SLC2A9: variants seen among roughly 807,000 people sequenced by gnomAD.
The protein encoded by SLC2A9 is solute carrier family 2, facilitated glucose transporter member 9.
SLC2A9 carries 39 observed loss-of-function variants against 50.6 expected under a neutral mutation model. The observed-to-expected ratio is 0.77, with a 90% CI of 0.60 to 1.01. The LOEUF is 1.01. Ranked by LOEUF, SLC2A9 falls within the 50% of genes least tolerant of loss-of-function variation. The probability of loss-of-function intolerance (pLI) is 0.00; values close to 1 mark genes in which losing one functional copy is unlikely to be tolerated. For synonymous variants in SLC2A9, 324 were observed against 276.9 expected, an observed-to-expected ratio of 1.17 and a Z score of -1.69; for missense variants, 686 against 677.6, an observed-to-expected ratio of 1.01 and a Z score of -0.14.
At chr4:9,801,617 G>A (rs187789518) in intron 3 of SLC2A9, among the ~76,000 whole-genome samples, 97 of 152,270 alleles carry the variant, frequency 6.4e-4, no homozygotes, top group African/African-American at 2.2e-3. Flanking sequence ...GCTGGGCTAC[G>A]GGCTGAGCCA....
At chr4:9,859,148 C>A (rs936283668) in intron 10 of SLC2A9, among the ~76,000 whole-genome samples, 1 of 152,204 alleles carries the variant, frequency 6.6e-6, no homozygotes, top group African/African-American at 2.4e-5. Flanking sequence ...TGCAAATGGT[C>A]TATCGTGGGA....
At chr4:9,963,766 G>A (rs1255909016) in intron 5 of SLC2A9, among the ~76,000 whole-genome samples, 1 of 152,212 alleles carries the variant, frequency 6.6e-6, no homozygotes, top group African/African-American at 2.4e-5. Context: ...ATCCTGGAAT[G>A]GGATGTGGAG....
chr4:9,952,740 G>C (rs1290043253), intron 5 of SLC2A9, among the ~76,000 whole-genome samples: 1 of 152,082 alleles, frequency 6.6e-6, no homozygotes, highest in Non-Finnish European at 1.5e-5. Flanking sequence ...GCCCAGGCTG[G>C]TCTCAAACCC....
At chr4:9,919,511 G>A (rs1475518739) in intron 7 of SLC2A9, among the ~76,000 whole-genome samples, 1 of 152,100 alleles carries the variant, frequency 6.6e-6, no homozygotes, top group South Asian at 2.1e-4. Context: ...TGCCCGCCTT[G>A]GGGGGTGCTG....
At chr4:9,876,373 A>T (rs1734321946) in intron 10 of SLC2A9, among the ~76,000 whole-genome samples, 1 of 152,140 alleles carries the variant, frequency 6.6e-6, no homozygotes, top group East Asian at 1.9e-4. Flanking sequence ...TGGGAGGATA[A>T]CTTGAGCCCA....
intron 6 of SLC2A9, among the ~76,000 whole-genome samples, chr4:9,930,717 T>A (rs73096620): frequency 0.026 from 3,900 of 152,314 alleles, 65 homozygotes; most frequent in Middle Eastern, 0.054. Context: ...TCCTTGGCTC[T>A]GAGGTCAGAA....
intron 3 of SLC2A9, among the ~76,000 whole-genome samples, chr4:9,802,989 T>C (rs1296920074): frequency 1.3e-5 from 2 of 152,212 alleles, no homozygotes; most frequent in Non-Finnish European, 2.9e-5. Flanking sequence ...ACTGCAGGAA[T>C]TCACTTCACA....
chr4:9,858,841 T>A (rs1731143079), intron 10 of SLC2A9, among the ~76,000 whole-genome samples: 1 of 152,194 alleles, frequency 6.6e-6, no homozygotes, highest in African/African-American at 2.4e-5. Flanking sequence ...CCACCCTCCA[T>A]CTGGTTGGGC....
intron 10 of SLC2A9, among the ~76,000 whole-genome samples, chr4:9,872,543 CT>C (rs1318063152): frequency 6.6e-6 from 1 of 152,206 alleles, no homozygotes. Context: ...TGCTATATCG[CT>C]TGCTATCCAA....
At chr4:9,848,575 C>T (rs952131206) in intron 10 of SLC2A9, among the ~76,000 whole-genome samples, 2 of 152,162 alleles carry the variant, frequency 1.3e-5, no homozygotes, top group Admixed American at 6.5e-5. Context: ...CTCTTTTTCT[C>T]CCTGTTGCTT....
At chr4:9,784,372 A>G (rs59957468) in intron 3 of SLC2A9, among the ~76,000 whole-genome samples, 124 of 152,344 alleles carry the variant, frequency 8.1e-4, no homozygotes, top group African/African-American at 2.9e-3. Context: ...TGAAAAGATC[A>G]TGTAGAATAA....
chr4:9,791,343 A>T (rs1352136045), intron 3 of SLC2A9, among the ~76,000 whole-genome samples: 1 of 152,246 alleles, frequency 6.6e-6, no homozygotes, highest in Non-Finnish European at 1.5e-5. Context: ...ATTTAATGCT[A>T]GGTGTATGGA....
At chr4:9,856,009 C>A (rs1730661021) in intron 10 of SLC2A9, among the ~76,000 whole-genome samples, 1 of 152,078 alleles carries the variant, frequency 6.6e-6, no homozygotes, top group African/African-American at 2.4e-5. Context: ...CTATAAAAAC[C>A]CTGGATGAAA....
intron 6 of SLC2A9, among the ~76,000 whole-genome samples, chr4:9,928,743 C>A (rs777025048): frequency 2.5e-4 from 38 of 152,004 alleles, no homozygotes; most frequent in Admixed American, 7.2e-4. Flanking sequence ...CAAAAGCAAA[C>A]AAACAAACAA....
downstream of SLC2A9, among the ~76,000 whole-genome samples, chr4:9,794,484 G>A (rs1720349742): frequency 6.6e-6 from 1 of 152,130 alleles, no homozygotes; most frequent in African/African-American, 2.4e-5. Context: ...CCTGTAAGGA[G>A]GTCTGTTCAT....
intron 2 of SLC2A9, among the ~76,000 whole-genome samples, chr4:10,002,064 T>C (rs556821549): frequency 1.3e-5 from 2 of 152,246 alleles, no homozygotes; most frequent in East Asian, 3.9e-4. Context: ...TCTGGTGGGA[T>C]TGGGTTTGGG....
At chr4:9,818,130 G>A (rs1049386782) in intron 3 of SLC2A9, among the ~76,000 whole-genome samples, 1 of 152,160 alleles carries the variant, frequency 6.6e-6, no homozygotes, top group Non-Finnish European at 1.5e-5. Flanking sequence ...CTCCAGAGAT[G>A]GATGCTGGGT....
intron 7 of SLC2A9, among the ~76,000 whole-genome samples, chr4:9,919,967 C>G (rs1401828106): frequency 1.3e-5 from 2 of 152,144 alleles, no homozygotes; most frequent in African/African-American, 4.8e-5. Flanking sequence ...TTACTTAAAG[C>G]CTTGAGGTTT....
At chr4:9,998,580 C>T (rs1759170845) in intron 2 of SLC2A9, among the ~76,000 whole-genome samples, 1 of 152,136 alleles carries the variant, frequency 6.6e-6, no homozygotes, top group Admixed American at 6.5e-5. Flanking sequence ...TCTTGGAAAA[C>T]AGCTTTGGCA....
Sources: allele counts gnomAD v4.1 joint callset (sites outside exome capture counted in the v4.1 genomes callset), GRCh38; gene constraint gnomAD v4.1.1; transcripts MANE v1.5; gene names NCBI Gene and HGNC (gene_info 2026-07-23, HGNC 2026-07-21).